Variants in GATA4 observed in about 807,000 individuals in gnomAD.
GATA4 encodes GATA binding protein 4.
A neutral mutation model predicts 37.9 loss-of-function variants in GATA4; 7 were observed. That is an observed-to-expected ratio of 0.18 (90% CI 0.11 to 0.35). The LOEUF is 0.35. Among genes scored for constraint, GATA4 ranks in the 10% least tolerant of loss-of-function variants. The probability of loss-of-function intolerance (pLI) is 1.00; values close to 1 mark genes in which losing one functional copy is unlikely to be tolerated. For synonymous variants in GATA4, 372 were observed against 292.6 expected, an observed-to-expected ratio of 1.27 and a Z score of -2.77; for missense variants, 647 against 653.0, an observed-to-expected ratio of 0.99 and a Z score of 0.10.
At chr8:11,696,980 C>A (rs1184900247) in intron 1 of GATA4, among the ~76,000 whole-genome samples, 1 of 152,156 alleles carries the variant, frequency 6.6e-6, no homozygotes, top group African/African-American at 2.4e-5. Context: ...CCCTCACTGG[C>A]GGAGGCCCCC....
chr8:11,720,625 C>G (rs532747620), intron 2 of GATA4, among the ~76,000 whole-genome samples: 4 of 152,258 alleles, frequency 2.6e-5, no homozygotes, highest in African/African-American at 9.6e-5. Flanking sequence ...AATTAGATAC[C>G]AGCATCTGCT....
In GATA4 at chr8:11,759,513, C is replaced by T. The variant is rs187432043; in HGVS notation, c.*1038C>T. The stretch of plus-strand genomic sequence containing the variant: ...CAGAGTCCCTCAGGACCTGCAGCCT[C>T]GCCCCGGCAGAAGTCTTTTGTCCAG... On this transcript the variant is annotated 3_prime_UTR_variant, in exon 7 of 7. Coordinates refer to ENST00000532059, the MANE Select transcript of GATA4 (RefSeq NM_001308093.3). The T allele has an allele frequency of 2.0e-5, 3 of 152,294 alleles. No individual in the cohort carries two copies. The highest frequency in any genetic ancestry group is 2.9e-5 in the Non-Finnish European group (2 of 68,082). 9.4% of individuals were successfully genotyped at this position (152,294 alleles called of 1,614,324 possible).
intron 2 of GATA4, among the ~76,000 whole-genome samples, chr8:11,727,215 C>T (rs555306421): frequency 8.5e-5 from 13 of 152,266 alleles, no homozygotes; most frequent in African/African-American, 1.4e-4. Flanking sequence ...CACTTTTCTT[C>T]GGGGAATGTT....
intron 1 of GATA4, among the ~76,000 whole-genome samples, chr8:11,681,681 A>T: frequency 6.7e-6 from 1 of 149,896 alleles, no homozygotes; most frequent in East Asian, 2.0e-4. Flanking sequence ...TTCTCTCTTC[A>T]TTTCTCTCTT....
At chr8:11,742,399 TTTCC>T (rs1801790388) in intron 2 of GATA4, among the ~76,000 whole-genome samples, 1 of 67,716 alleles carries the variant, frequency 1.5e-5, no homozygotes, top group Non-Finnish European at 5.6e-5. Flanking sequence ...TTTTTTTTCC[TTTCC>T]CTTTCCCTTT....
intron 1 of GATA4, among the ~76,000 whole-genome samples, chr8:11,693,296 T>G (rs1241008276): frequency 2.0e-5 from 3 of 151,912 alleles, no homozygotes; most frequent in African/African-American, 7.3e-5. Context: ...CGAAACTCCA[T>G]CTCTACGAAA....
At position 11,725,674 on chromosome 8, in the gene GATA4, G is replaced by T. The variant is rs186102295; in HGVS notation, c.616+16746G>T. ...CTTCACTCTGGAGGTCAGACTTGCT[G>T]CTGCCTGCCTGTCGTGGCAGGGAAG... On this transcript the variant is annotated intron_variant, in intron 2 of 6. Transcript: ENST00000532059. Among the ~76,000 whole-genome samples, 298 of 152,346 alleles carry T rather than the reference G, an allele frequency of 2.0e-3. 2 individuals are homozygous for T. The highest frequency in any genetic ancestry group is 7.7e-3 in the South Asian group (37 of 4,828).
chr8:11,710,365 C>A (rs897014740), intron 2 of GATA4, among the ~76,000 whole-genome samples: 14 of 152,128 alleles, frequency 9.2e-5, no homozygotes, highest in African/African-American at 3.4e-4. Flanking sequence ...ATGGAGCCCG[C>A]AGGCGGGAGT....
Position 11,708,782 on chromosome 8 carries a change from C to G in GATA4, c.470C>G (p.Ser157Cys), listed in dbSNP as rs1585596624. 3 of 1,455,330 alleles carry G rather than the reference C, an allele frequency of 2.1e-6. No homozygotes were observed. Among genetic ancestry groups the G allele is most frequent in the East Asian group, 3.0e-5 (1 of 33,554 alleles). 90.2% of individuals were successfully genotyped at this position (1,455,330 alleles called of 1,614,324 possible). A position where few individuals can be genotyped will look rare whatever the true frequency, so the allele number is the denominator to read the frequency against. Residue 157 changes from serine (S) to cysteine (C), a missense_variant, in exon 2 of 7, where the codon TCC becomes TGC. Physicochemically the swap from Ser to Cys is moderately radical, Grantham distance 112. Transcript: ENST00000532059. This position sits in a 1 kb window ranked among gnomAD's most constrained non-coding sequence, Gnocchi z 6.7. ...TACGGGCGCGCCGGCTTCGCGGGCTCCTACTCCAGCCCCTACCCGGCTTAC... is the reference window on the plus strand; with the variant it reads ...TACGGGCGCGCCGGCTTCGCGGGCTGCTACTCCAGCCCCTACCCGGCTTAC... ...EQYGRAGFAG[S>C]YSSPYPAYMA...
chr8:11,726,382 A>G (rs2130176514), intron 2 of GATA4, among the ~76,000 whole-genome samples: 1 of 152,332 alleles, frequency 6.6e-6, no homozygotes, highest in Non-Finnish European at 1.5e-5. Context: ...GCGAGAGAAG[A>G]GCGCAGAAAG....
rs1360370856 is a variant in GATA4, at chr8:11,709,946, C to T, written c.616+1018C>T. 1.3e-5 allele frequency among the ~76,000 whole-genome samples: 2 copies of T among 152,208 alleles called. No individual in the cohort carries two copies. Among genetic ancestry groups the T allele is most frequent in the African/African-American group, 4.8e-5 (2 of 41,458 alleles). ...CGGAGGAGTGAGTTTGGATTGAGCC[C>T]ACCCTGTGGGGGAGGGGAAGCCCAG... is the stretch of plus-strand genomic sequence containing the variant. On this transcript the variant is annotated intron_variant, in intron 2 of 6. Coordinates refer to ENST00000532059, the MANE Select transcript of GATA4 (RefSeq NM_001308093.3). This position sits in a 1 kb window ranked among gnomAD's most constrained non-coding sequence, Gnocchi z 4.3.
chr8:11,755,397 G>GCA (rs1802506371), intron 5 of GATA4, among the ~76,000 whole-genome samples: 2 of 152,228 alleles, frequency 1.3e-5, no homozygotes, highest in South Asian at 4.1e-4. Flanking sequence ...TGCTCAGGCT[G>GCA]GACCAGCCGA....
chr8:11,682,493 G>A (rs1171308850), intron 1 of GATA4, among the ~76,000 whole-genome samples: 1 of 152,200 alleles, frequency 6.6e-6, no homozygotes, highest in African/African-American at 2.4e-5. Flanking sequence ...TTATTTCATA[G>A]AATAGTGCTG....
In GATA4 at chr8:11,708,828, C is replaced by T. The variant is rs890173471; in HGVS notation, c.516C>T (p.Ser172=). ...CTTACATGGCCGACGTGGGCGCGTCCTGGGCCGCAGCCGCCGCCGCCTCCG... is the reference window on the plus strand; with the variant it reads ...CTTACATGGCCGACGTGGGCGCGTCTTGGGCCGCAGCCGCCGCCGCCTCCG... ...YPAYMADVGA[S]WAAAAAASAG... is the part of the protein sequence containing the mutation. The change falls in exon 2 of 7, where the codon TCC becomes TCT. Residue 172 remains serine, a synonymous_variant. Transcript: ENST00000532059. The surrounding 1 kb of genome is among the most constrained non-coding windows in gnomAD (Gnocchi z 6.7). The T allele has an allele frequency of 5.6e-5, 84 of 1,494,102 alleles. 1 individual carries two copies. The highest frequency in any genetic ancestry group is 7.3e-5 in the Non-Finnish European group (83 of 1,129,592). 92.6% of individuals were successfully genotyped at this position (1,494,102 alleles called of 1,614,324 possible). A position where few individuals can be genotyped will look rare whatever the true frequency, so the allele number is the denominator to read the frequency against.
intron 2 of GATA4, among the ~76,000 whole-genome samples, chr8:11,739,452 T>C (rs1801616314): frequency 6.8e-6 from 1 of 147,402 alleles, no homozygotes; most frequent in South Asian, 2.5e-4. Flanking sequence ...GGCTGGCTTT[T>C]AGTGCAACGT....
At chr8:11,688,603 A>T (rs1340353472), upstream of GATA4, among the ~76,000 whole-genome samples, 1 of 152,132 alleles carries the variant, frequency 6.6e-6, no homozygotes, top group Non-Finnish European at 1.5e-5. Flanking sequence ...TGATGCCCAG[A>T]GTCAGTGGGT....
intron 1 of GATA4, among the ~76,000 whole-genome samples, chr8:11,682,460 T>C (rs747396866): frequency 6.6e-6 from 1 of 152,256 alleles, no homozygotes; most frequent in Non-Finnish European, 1.5e-5. Context: ...GTAGAATTTG[T>C]TGTTAGATCA....
upstream of GATA4, among the ~76,000 whole-genome samples, chr8:11,691,722 A>G (rs1799320203): frequency 6.6e-6 from 1 of 152,122 alleles, no homozygotes; most frequent in African/African-American, 2.4e-5. Flanking sequence ...TCCAGCCTCA[A>G]CTAGATCCAG....
Position 11,708,217 on chromosome 8 carries a change from G to T in GATA4, c.-96G>T, listed in dbSNP as rs1333348669. 7.5e-7 allele frequency: 1 copy of T among 1,332,196 alleles called. No individual in the cohort carries two copies. The highest frequency in any genetic ancestry group is 1.3e-5 in the South Asian group (1 of 79,344). 82.5% of individuals were successfully genotyped at this position (1,332,196 alleles called of 1,614,324 possible). On this transcript the variant is annotated 5_prime_UTR_variant, in exon 2 of 7. Coordinates refer to ENST00000532059, the MANE Select transcript of GATA4 (RefSeq NM_001308093.3). This position sits in a 1 kb window ranked among gnomAD's most constrained non-coding sequence, Gnocchi z 6.7. ...TGATCTTCGCGACAGTTCCTCCCAC[G>T]CATATTATCGTTGTTGCCGTCGTTT...
Sources: gnomAD v4.1 joint callset for allele counts (sites outside exome capture counted in the v4.1 genomes callset) on GRCh38, gnomAD v4.1.1 for gene constraint, Gnocchi (gnomAD v3.1) non-coding constraint, MANE v1.5 for transcripts, NCBI Gene and HGNC (gene_info 2026-07-23, HGNC 2026-07-21) for gene names.